The following PGCKA1 variants were observed in gnomAD, a reference collection of about 807,000 sequenced individuals.
PGCKA1 encodes the protein PDCD10 and GCKIII kinases associated 1.
chr4:37,484,842 T>G, the PGCKA1 span, among the ~76,000 whole-genome samples: 2 of 152,196 alleles, frequency 1.3e-5, no homozygotes, highest in Admixed American at 6.5e-5. Flanking sequence ...ACTTTGATCT[T>G]GGACTTCCCA....
At chr4:37,519,514 G>GT in the PGCKA1 span, among the ~76,000 whole-genome samples, 110 of 151,962 alleles carry the variant, frequency 7.2e-4, no homozygotes, top group African/African-American at 2.6e-3. Context: ...GTATTTACTT[G>GT]TTTTTGTAGT....
chr4:37,529,415 A>G, the PGCKA1 span, among the ~76,000 whole-genome samples: 2 of 152,238 alleles, frequency 1.3e-5, no homozygotes, highest in Non-Finnish European at 2.9e-5. Flanking sequence ...TAAATATCTT[A>G]TATTTTAAGG....
the PGCKA1 span, among the ~76,000 whole-genome samples, chr4:37,572,048 C>CTTTTTTTTCTTTTTCTTTTT: frequency 3.6e-5 from 4 of 111,630 alleles, 1 homozygote; most frequent in Non-Finnish European, 7.3e-5. Context: ...AACTTCACAC[C>CTTTTTTTTCTTTTTCTTTTT]TTTTTTTTTT....
At chr4:37,548,447 T>A in the PGCKA1 span, among the ~76,000 whole-genome samples, 1 of 152,132 alleles carries the variant, frequency 6.6e-6, no homozygotes, top group Non-Finnish European at 1.5e-5. Flanking sequence ...TAAAAAGGTA[T>A]CATCCAGTTT....
At chr4:37,459,799 C>T in the PGCKA1 span, among the ~76,000 whole-genome samples, 19 of 136,168 alleles carry the variant, frequency 1.4e-4, no homozygotes, top group Non-Finnish European at 1.7e-4. Context: ...AGCTTTCTTT[C>T]TTTTTTTTTT....
chr4:37,490,796 ACT>A, the PGCKA1 span, among the ~76,000 whole-genome samples: 2 of 151,998 alleles, frequency 1.3e-5, no homozygotes, highest in Non-Finnish European at 2.9e-5. Flanking sequence ...TAATCAGGGG[ACT>A]CTACTCCCAG....
chr4:37,543,473 C>T, the PGCKA1 span, among the ~76,000 whole-genome samples: 1 of 152,150 alleles, frequency 6.6e-6, no homozygotes, highest in Non-Finnish European at 1.5e-5. Context: ...CTGATTCAAC[C>T]TCAAATTATT....
At chr4:37,576,625 CTG>C in the PGCKA1 span, among the ~76,000 whole-genome samples, 1 of 152,066 alleles carries the variant, frequency 6.6e-6, no homozygotes, top group African/African-American at 2.4e-5. Flanking sequence ...TGTTGGATAA[CTG>C]TGATGAAAAT....
the PGCKA1 span, among the ~76,000 whole-genome samples, chr4:37,531,310 T>C: frequency 2.0e-5 from 3 of 152,146 alleles, no homozygotes; most frequent in Non-Finnish European, 2.9e-5. Flanking sequence ...TATGACTAAA[T>C]GTTAGTACTC....
At chr4:37,497,237 T>C in the PGCKA1 span, among the ~76,000 whole-genome samples, 3 of 152,300 alleles carry the variant, frequency 2.0e-5, no homozygotes, top group African/African-American at 7.2e-5. Context: ...TCCAGTCTCA[T>C]CCAGGTCATC....
At chr4:37,565,376 G>T in the PGCKA1 span, among the ~76,000 whole-genome samples, 3 of 152,142 alleles carry the variant, frequency 2.0e-5, no homozygotes, top group African/African-American at 7.2e-5. Flanking sequence ...ATGTAGAAGG[G>T]GGGGCTCTGA....
the PGCKA1 span, among the ~76,000 whole-genome samples, chr4:37,551,766 G>C: frequency 1.3e-5 from 2 of 152,154 alleles, no homozygotes; most frequent in Non-Finnish European, 2.9e-5. Flanking sequence ...CTTATAATAG[G>C]AGTTATAATA....
At chr4:37,549,155 C>T in the PGCKA1 span, among the ~76,000 whole-genome samples, 1 of 152,214 alleles carries the variant, frequency 6.6e-6, no homozygotes, top group Non-Finnish European at 1.5e-5. Flanking sequence ...CCTTGGAGAC[C>T]TGAAGTGATG....
At chr4:37,525,967 A>G in the PGCKA1 span, among the ~76,000 whole-genome samples, 1 of 152,338 alleles carries the variant, frequency 6.6e-6, no homozygotes, top group South Asian at 2.1e-4. Context: ...ATTAGATACT[A>G]GCTGTTCACT....
At chr4:37,505,260 A>G in the PGCKA1 span, among the ~76,000 whole-genome samples, 2 of 152,224 alleles carry the variant, frequency 1.3e-5, no homozygotes, top group African/African-American at 2.4e-5. Context: ...TCCCTGGAAT[A>G]TATTACACTT....
chr4:37,466,018 AG>A, the PGCKA1 span, among the ~76,000 whole-genome samples: 2 of 107,610 alleles, frequency 1.9e-5, no homozygotes, highest in Admixed American at 2.2e-4. Context: ...GAAGGGTAAA[AG>A]ATACTGGATT....
At chr4:37,462,568 C>T in the PGCKA1 span, among the ~76,000 whole-genome samples, 1 of 152,142 alleles carries the variant, frequency 6.6e-6, no homozygotes, top group Non-Finnish European at 1.5e-5. Context: ...AAACTGATTT[C>T]CTCCCCTGCC....
the PGCKA1 span, among the ~76,000 whole-genome samples, chr4:37,480,779 G>T: frequency 1.3e-5 from 2 of 152,258 alleles, no homozygotes; most frequent in African/African-American, 4.8e-5. Context: ...TCTCTGGGAA[G>T]GGAGGAGTTT....
the PGCKA1 span, among the ~76,000 whole-genome samples, chr4:37,457,649 A>G: frequency 1.3e-5 from 2 of 152,152 alleles, no homozygotes; most frequent in Non-Finnish European, 2.9e-5. Context: ...TTGATTCTGT[A>G]TAGCTGTGAA....
Sources: gnomAD v4.1 joint callset for allele counts (sites outside exome capture counted in the v4.1 genomes callset) on GRCh38, gnomAD v4.1.1 for gene constraint, MANE v1.5 for transcripts, NCBI Gene and HGNC (gene_info 2026-07-23, HGNC 2026-07-21) for gene names.